ZNF311: variants seen among roughly 807,000 people sequenced by gnomAD.
ZNF311 encodes the protein zinc finger protein zfp31.
Under a neutral mutation model 22.7 loss-of-function variants are expected in ZNF311, and 14 were observed. That is an observed-to-expected ratio of 0.62 (90% CI 0.41 to 0.96). The LOEUF (loss-of-function observed/expected upper bound fraction) is 0.96. ZNF311 is among the 40% of genes least tolerant of loss of function. The pLI is 0.00. For missense variants in ZNF311, 731 were observed against 799.0 expected (o/e 0.91, Z 1.03); for synonymous variants, 250 against 275.3 (o/e 0.91, Z 0.91).
intron 3 of ZNF311, among the ~76,000 whole-genome samples, chr6:29,000,937 T>C (rs948017809): frequency 1.3e-5 from 2 of 152,024 alleles, no homozygotes; most frequent in Non-Finnish European, 2.9e-5. Context: ...CCACCATGCC[T>C]GGCTAATTTT....
rs770591238 is a variant in ZNF311 at position 28,995,628 on chromosome 6, G to A, written c.1374C>T (p.Leu458=). 1.9e-6 allele frequency: 3 copies of A among 1,613,364 alleles called. 1 individual carries two copies. In the South Asian group the frequency reaches 3.3e-5, roughly 18 times the overall value. ...CGKDFSIKAE[L]TKHRRIHTEE... is the part of the protein sequence containing the mutation. ...CAGTGTGGATCCTTCTGTGTTTGGT[G>A]AGTTCTGCCTTGATGCTGAAGTCTT... The change falls in exon 7 of 7, where the codon CTC becomes CTT. Residue 458 remains leucine, a synonymous_variant. Coordinates refer to ENST00000377179, the MANE Select transcript of ZNF311 (RefSeq NM_001382360.1). This position sits in a 1 kb window ranked among gnomAD's most constrained non-coding sequence, Gnocchi z 4.7.
At chr6:29,005,383 T>C (rs1274642526), upstream of ZNF311, 2 of 148,624 alleles carry the variant, frequency 1.3e-5, no homozygotes, top group Admixed American at 6.7e-5. Context: ...CGGGAAATGC[T>C]CATTTTGGGG....
At position 28,995,516 on chromosome 6, in the gene ZNF311, C is replaced by A; in HGVS notation, c.1486G>T (p.Glu496Ter). ...RRAHEREHTG[E>*]KPYQCRDCGK... ...CAATCCCTGCATTGATAGGGCTTCT[C>A]CCCTGTATGCTCTCGTTCATGAGCC... is the stretch of plus-strand genomic sequence containing the variant. The change falls in exon 7 of 7, where the codon GAG becomes TAG. Residue 496 changes from glutamate to a stop codon, truncating the protein, a stop_gained. Transcript: ENST00000377179. LOFTEE classifies it low-confidence loss of function (END_TRUNC). This position sits in a 1 kb window ranked among gnomAD's most constrained non-coding sequence, Gnocchi z 4.7. 6.2e-7 allele frequency: 1 copy of A among 1,613,842 alleles called. No individual in the cohort carries two copies. Among genetic ancestry groups the A allele is most frequent in the Non-Finnish European group, 8.5e-7 (1 of 1,180,018 alleles).
In ZNF311 at chr6:28,995,955, A is replaced by G. The variant is rs1562319925; in HGVS notation, c.1047T>C (p.His349=). 6.2e-7 allele frequency: 1 copy of G among 1,613,742 alleles called. No individual in the cohort carries two copies. Among genetic ancestry groups the G allele is most frequent in the Non-Finnish European group, 8.5e-7 (1 of 1,180,010 alleles). The change falls in exon 7 of 7, where the codon CAT becomes CAC. Residue 349 remains histidine, a synonymous_variant. Coordinates refer to ENST00000377179, the MANE Select transcript of ZNF311 (RefSeq NM_001382360.1). The surrounding 1 kb of genome is among the most constrained non-coding windows in gnomAD (Gnocchi z 4.7). ...GCTTCTCCCCGGTGTGGATAAGCTG[A>G]TGCATACAGAGACGGTTCCTGGTCT... ...AFKTRNRLCM[H]QLIHTGEKPY... is the part of the protein sequence containing the mutation.
rs930735314 is a variant in ZNF311, at chr6:28,996,442, T to C, written c.560A>G (p.Gln187Arg). Residue 187 changes from glutamine to arginine, a missense_variant, in exon 7 of 7, where the codon CAG (glutamine) becomes CGG (arginine). Physicochemically the swap from Gln to Arg is conservative, Grantham distance 43. Transcript: ENST00000377179. ...RDPKVREVCV[Q>R]DVKLENQWET... is the part of the protein sequence containing the mutation. ...CCATTGATTCTCTAATTTGACATCC[T>C]GAACACAAACTTCTCTAACCTTAGG... 31 of 1,609,932 alleles carry C rather than the reference T, an allele frequency of 1.9e-5. 1 individual carries two copies. Among genetic ancestry groups the C allele is most frequent in the Non-Finnish European group, 2.6e-5 (31 of 1,180,026 alleles).
intron 1 of ZNF311, 80 bp downstream of exon 1, chr6:29,004,928 A>G (rs1780986057): frequency 1.3e-5 from 2 of 152,144 alleles, no homozygotes; most frequent in Non-Finnish European, 2.9e-5. Context: ...CTTATAGGTC[A>G]TCTTCCCAAG....
At chr6:29,005,584 T>C (rs1781090830), upstream of ZNF311, among the ~76,000 whole-genome samples, 1 of 152,002 alleles carries the variant, frequency 6.6e-6, no homozygotes, top group Non-Finnish European at 1.5e-5. Context: ...GCCGGTACTC[T>C]CCCCAAGAAA....
chr6:28,998,686 A>G, intron 6 of ZNF311, 48 bp downstream of exon 6: 1 of 1,336,006 alleles, frequency 7.5e-7, no homozygotes, highest in Non-Finnish European at 1.1e-6. Context: ...CATAACCATT[A>G]TGCCACATGG....
At chr6:29,004,442 CTTTTTTTTTTTTTTTTTT>C (rs9280531) in intron 1 of ZNF311, among the ~76,000 whole-genome samples, 4 of 30,604 alleles carry the variant, frequency 1.3e-4, no homozygotes, top group Non-Finnish European at 4.7e-5. Context: ...TTCCTCCTTT[CTTTTTTTTTTTTTTTTTT>C]TTTTTTTTTG....
intron 6 of ZNF311, among the ~76,000 whole-genome samples, chr6:28,998,308 TACACCCAGCATGCACCACC>T (rs567411299): frequency 2.0e-3 from 308 of 151,900 alleles, no homozygotes; most frequent in Non-Finnish European, 3.7e-3. Flanking sequence ...CAGCTGGGAT[TACACCCAGCATGCACCACC>T]ACACCCAGCA....
chr6:29,003,755 C>T (rs1283448003), intron 2 of ZNF311, 161 bp from the exon 3 acceptor site: 4 of 1,423,182 alleles, frequency 2.8e-6, no homozygotes, highest in Non-Finnish European at 3.9e-6. Context: ...CTTATGAAAA[C>T]TAGAAATGGC....
chr6:29,004,299 T>C, intron 1 of ZNF311, 85 bp from the exon 2 acceptor site: 2 of 971,594 alleles, frequency 2.1e-6, no homozygotes, highest in Non-Finnish European at 2.7e-6. Flanking sequence ...GAAGTCAAAC[T>C]GAAAATGTGA....
At chr6:29,003,906 C>T (rs1294131217) in intron 2 of ZNF311, 40 bp downstream of exon 2, 6 of 1,612,898 alleles carry the variant, frequency 3.7e-6, no homozygotes, top group Non-Finnish European at 4.2e-6. Context: ...ACTTCTCCTT[C>T]TTCCTCCTTG....
At chr6:28,999,869 G>T (rs1780197124) in intron 4 of ZNF311, 87 bp downstream of exon 4, 2 of 1,408,682 alleles carry the variant, frequency 1.4e-6, no homozygotes, top group African/African-American at 1.4e-5. Flanking sequence ...TTTAGGAGTT[G>T]CACAGCCAGA....
In ZNF311 at chr6:28,995,857, G is replaced by C; in HGVS notation, c.1145C>G (p.Thr382Ser). ...CTCACATTCATATGGCTTCTCCCCA[G>C]TGTGGATTCTGCCATGGATGGTAAG... is the stretch of plus-strand genomic sequence containing the variant. ...HSLTIHGRIH[T>S]GEKPYECEEC... Residue 382 changes from threonine to serine, a missense_variant, in exon 7 of 7, where the codon ACT becomes AGT. Transcript: ENST00000377179. The surrounding 1 kb of genome is among the most constrained non-coding windows in gnomAD (Gnocchi z 4.7). 6.2e-7 allele frequency: 1 copy of C among 1,613,988 alleles called. No homozygotes were observed. Among genetic ancestry groups the C allele is most frequent in the Non-Finnish European group, 8.5e-7 (1 of 1,180,010 alleles).
rs1779235413 is a variant in ZNF311 at position 28,994,826 on chromosome 6, A to G, written c.*175T>C. The G allele has an allele frequency of 1.8e-5, 12 of 680,466 alleles. No individual in the cohort carries two copies. In the East Asian group the frequency reaches 3.3e-4, roughly 19 times the overall value. 42.2% of individuals were successfully genotyped at this position (680,466 alleles called of 1,614,324 possible). A position where few individuals can be genotyped will look rare whatever the true frequency, so the allele number is the denominator to read the frequency against. ...TTATTAATATTAGGAAGTGATTGAT[A>G]AACTCTTGGAAGTAAATGTGCTCAC... On this transcript the variant is annotated 3_prime_UTR_variant, in exon 7 of 7. Coordinates refer to ENST00000377179, the MANE Select transcript of ZNF311 (RefSeq NM_001382360.1).
Position 28,994,928 on chromosome 6 carries a change from T to C in ZNF311, c.*73A>G. The C allele has an allele frequency of 7.0e-7, 1 of 1,433,394 alleles. No individual in the cohort carries two copies. Among genetic ancestry groups the C allele is most frequent in the East Asian group, 2.4e-5 (1 of 41,978 alleles). 88.8% of individuals were successfully genotyped at this position (1,433,394 alleles called of 1,614,324 possible). Reference sequence around the variant, plus strand: ...CAATTAAGGGTCAGGAAATCAGGAATAACTAATATAAGAGACAGAAGGACC... The same window carrying C: ...CAATTAAGGGTCAGGAAATCAGGAACAACTAATATAAGAGACAGAAGGACC... On this transcript the variant is annotated 3_prime_UTR_variant, in exon 7 of 7. Transcript: ENST00000377179.
chr6:29,000,284 C>T (rs142638497), intron 3 of ZNF311, among the ~76,000 whole-genome samples: 38 of 152,328 alleles, frequency 2.5e-4, no homozygotes, highest in Admixed American at 7.8e-4. Context: ...TTTCCTGTCT[C>T]ACCTACTGTT....
intron 1 of ZNF311, among the ~76,000 whole-genome samples, chr6:29,004,538 ACCT>A (rs1433164639): frequency 4.9e-5 from 2 of 40,794 alleles, no homozygotes; most frequent in Non-Finnish European, 7.7e-5. Flanking sequence ...TGCAAGCTCC[ACCT>A]CCTTTCTTAA....
Sources: allele counts gnomAD v4.1 joint callset (sites outside exome capture counted in the v4.1 genomes callset), GRCh38; gene constraint gnomAD v4.1.1; non-coding constraint Gnocchi (gnomAD v3.1); transcripts MANE v1.5; gene names NCBI Gene and HGNC (gene_info 2026-07-23, HGNC 2026-07-21).